SAMMSON: variants seen among roughly 807,000 people sequenced by gnomAD.
The protein encoded by SAMMSON is long intergenic non-protein coding RNA 1212.
chr3:70,326,359 TG>T (rs1467124095), intron 7 of SAMMSON, among the ~76,000 whole-genome samples: 1 of 152,196 alleles, frequency 6.6e-6, no homozygotes, highest in Non-Finnish European at 1.5e-5. Flanking sequence ...ATCTATTAAA[TG>T]GGAATTAATA....
chr3:70,405,740 T>C (rs1701172612), intron 2 of SAMMSON, among the ~76,000 whole-genome samples: 1 of 152,144 alleles, frequency 6.6e-6, no homozygotes, highest in African/African-American at 2.4e-5. Context: ...GTAGCTGGAC[T>C]CCGGAAGGAG....
At chr3:70,289,885 T>C (rs1362636824) in intron 6 of SAMMSON, among the ~76,000 whole-genome samples, 1 of 152,022 alleles carries the variant, frequency 6.6e-6, no homozygotes, top group Non-Finnish European at 1.5e-5. Context: ...TTCACGTAGT[T>C]CTCGAGCCTT....
At chr3:70,424,249 A>T (rs957507006) in intron 2 of SAMMSON, among the ~76,000 whole-genome samples, 1 of 152,200 alleles carries the variant, frequency 6.6e-6, no homozygotes, top group Non-Finnish European at 1.5e-5. Context: ...TCTCACTTAC[A>T]TAAAAGCTAT....
chr3:70,115,843 T>C (rs1288481157), intron 4 of SAMMSON, among the ~76,000 whole-genome samples: 1 of 152,114 alleles, frequency 6.6e-6, no homozygotes, highest in Non-Finnish European at 1.5e-5. Flanking sequence ...TCAAAAGAAA[T>C]CACTGAATTT....
intron 4 of SAMMSON, chr3:70,072,036 A>G (rs569912023): frequency 2.0e-5 from 3 of 152,088 alleles, no homozygotes; most frequent in South Asian, 4.2e-4. Flanking sequence ...AATATTCAGG[A>G]CAAATTACAT....
At chr3:70,143,912 T>C (rs933658718) in intron 4 of SAMMSON, among the ~76,000 whole-genome samples, 2 of 152,180 alleles carry the variant, frequency 1.3e-5, no homozygotes, top group Admixed American at 1.3e-4. Flanking sequence ...TGAGAAGTTA[T>C]TGTTTATTAT....
chr3:70,139,804 A>T (rs4132502), intron 4 of SAMMSON, among the ~76,000 whole-genome samples: 109,126 of 152,046 alleles, frequency 0.72, 39,555 homozygotes, highest in Non-Finnish European at 0.76. Context: ...GTATTGGACA[A>T]TAGAGTGTGC....
At chr3:70,228,183 A>G (rs1340706513) in intron 4 of SAMMSON, among the ~76,000 whole-genome samples, 2 of 152,064 alleles carry the variant, frequency 1.3e-5, no homozygotes. Flanking sequence ...AGGTTTTAGT[A>G]TCAAGAAAGG....
chr3:70,268,832 A>G (rs936489488), intron 6 of SAMMSON, among the ~76,000 whole-genome samples: 4 of 152,208 alleles, frequency 2.6e-5, no homozygotes, highest in Admixed American at 2.0e-4. Flanking sequence ...TATTCTTACT[A>G]AATATTTTGT....
chr3:70,204,094 G>A (rs1342585530), intron 4 of SAMMSON, among the ~76,000 whole-genome samples: 8 of 152,156 alleles, frequency 5.3e-5, no homozygotes, highest in Admixed American at 5.2e-4. Context: ...ATCTGCATGT[G>A]TGAGGCTTTT....
chr3:70,041,744 A>T (rs1453367670), intron 3 of SAMMSON, among the ~76,000 whole-genome samples: 1 of 152,106 alleles, frequency 6.6e-6, no homozygotes, highest in African/African-American at 2.4e-5. Context: ...TAATCTAGAG[A>T]TGATTTAAAG....
At chr3:70,319,497 T>C (rs1033786490) in intron 7 of SAMMSON, among the ~76,000 whole-genome samples, 25 of 152,026 alleles carry the variant, frequency 1.6e-4, no homozygotes, top group Non-Finnish European at 1.5e-4. Flanking sequence ...TTTACTCCTA[T>C]CTTTCCAATC....
intron 6 of SAMMSON, among the ~76,000 whole-genome samples, chr3:70,252,320 A>G (rs1701777184): frequency 6.6e-6 from 1 of 152,208 alleles, no homozygotes; most frequent in African/African-American, 2.4e-5. Context: ...GGTGTGGCGT[A>G]CAATTCTCCC....
intron 1 of SAMMSON, among the ~76,000 whole-genome samples, chr3:70,007,652 T>A (rs2066933932): frequency 6.6e-6 from 1 of 152,184 alleles, no homozygotes; most frequent in Non-Finnish European, 1.5e-5. Flanking sequence ...TTAGTTTAAT[T>A]AGATCCCATT....
At chr3:70,227,653 A>G (rs1701520791) in intron 4 of SAMMSON, among the ~76,000 whole-genome samples, 1 of 152,210 alleles carries the variant, frequency 6.6e-6, no homozygotes, top group African/African-American at 2.4e-5. Flanking sequence ...CACCAACCTA[A>G]TAATACTACT....
At chr3:70,149,605 A>G (rs1052310893) in intron 4 of SAMMSON, among the ~76,000 whole-genome samples, 15 of 152,118 alleles carry the variant, frequency 9.9e-5, no homozygotes, top group African/African-American at 3.6e-4. Flanking sequence ...TGGCTGATGC[A>G]TGCTAAGATT....
At chr3:70,099,113 C>T (rs1302238951) in intron 4 of SAMMSON, among the ~76,000 whole-genome samples, 1 of 152,078 alleles carries the variant, frequency 6.6e-6, no homozygotes, top group Non-Finnish European at 1.5e-5. Context: ...TGTGCTATTT[C>T]CTTTTGTCAG....
At chr3:70,207,881 T>C (rs1030297026) in intron 4 of SAMMSON, among the ~76,000 whole-genome samples, 2 of 152,032 alleles carry the variant, frequency 1.3e-5, no homozygotes, top group Non-Finnish European at 2.9e-5. Context: ...GAGGGACAAC[T>C]GTATGCATTC....
At chr3:70,159,643 C>G (rs2067606659) in intron 4 of SAMMSON, 1 of 151,748 alleles carries the variant, frequency 6.6e-6, no homozygotes, top group South Asian at 2.1e-4. Flanking sequence ...GCTCATGCAA[C>G]CACCTCTTGG....
Sources: allele counts gnomAD v4.1 joint callset (sites outside exome capture counted in the v4.1 genomes callset), GRCh38; gene constraint gnomAD v4.1.1; transcripts MANE v1.5; gene names NCBI Gene and HGNC (gene_info 2026-07-23, HGNC 2026-07-21).